The following PRKN variants were observed in gnomAD, a reference collection of about 807,000 sequenced individuals.
The protein encoded by PRKN is E3 ubiquitin-protein ligase parkin.
In PRKN, 56 loss-of-function variants were observed where a neutral mutation model predicts 59.5. The ratio of observed to expected loss-of-function variants is 0.94; its 90% CI spans 0.76 to 1.18. The LOEUF (loss-of-function observed/expected upper bound fraction) is 1.18. Ranked by LOEUF, PRKN falls within the 50% of genes most tolerant of loss-of-function variation. The pLI is 0.00. For missense variants in PRKN, 657 were observed against 596.4 expected (o/e 1.10, Z -1.06); for synonymous variants, 250 against 222.1 (o/e 1.13, Z -1.12).
chr6:162,013,435 T>C (rs536880104), intron 5 of PRKN, among the ~76,000 whole-genome samples: 7 of 151,870 alleles, frequency 4.6e-5, no homozygotes, highest in Admixed American at 3.9e-4. Context: ...ACCATTTCTA[T>C]GAGGAGCCCT....
chr6:161,535,890 C>T (rs1020703456), intron 9 of PRKN, among the ~76,000 whole-genome samples: 3 of 151,942 alleles, frequency 2.0e-5, no homozygotes, highest in African/African-American at 4.8e-5. Flanking sequence ...CCACACACCA[C>T]GGAACTAACG....
intron 9 of PRKN, among the ~76,000 whole-genome samples, chr6:161,476,021 C>A (rs1791053496): frequency 6.6e-6 from 1 of 151,900 alleles, no homozygotes; most frequent in African/African-American, 2.4e-5. Flanking sequence ...CCTGTCTCTA[C>A]TAAAAATACA....
intron 2 of PRKN, among the ~76,000 whole-genome samples, chr6:162,329,745 A>G (rs1409112719): frequency 1.3e-5 from 2 of 152,138 alleles, no homozygotes; most frequent in Admixed American, 1.3e-4. Flanking sequence ...AAAACTCAAT[A>G]ATTTTGTACA....
intron 7 of PRKN, among the ~76,000 whole-genome samples, chr6:161,693,271 C>T (rs1785879512): frequency 6.6e-6 from 1 of 152,082 alleles, no homozygotes; most frequent in South Asian, 2.1e-4. Context: ...TTTTTTCTGT[C>T]TTTTAATTTA....
intron 2 of PRKN, among the ~76,000 whole-genome samples, chr6:162,386,176 T>C (rs1426503962): frequency 6.6e-6 from 1 of 152,188 alleles, no homozygotes; most frequent in Non-Finnish European, 1.5e-5. Context: ...TGACGATGTA[T>C]TGTGGAAAAT....
Position 161,973,368 on chromosome 6 carries a change from G to A in PRKN, c.668C>T (p.Ser223Leu). The A allele has an allele frequency of 2.5e-6, 4 of 1,613,928 alleles. No homozygotes were observed. Among genetic ancestry groups the A allele is most frequent in the Non-Finnish European group, 3.4e-6 (4 of 1,179,842 alleles). The change falls in exon 6 of 12, where the codon TCA becomes TTA. Residue 223 changes from serine to leucine, a missense_variant. Ser to Leu is a moderately radical substitution (Grantham distance 145). Transcript: ENST00000366898. ...GAHPTSDKET[S>L]VALHLIATNS... is the part of the protein sequence containing the mutation. ...TGTTGCGATCAGGTGCAAAGCTACTGATGTTTCCTTGTCAGAGGTGGGGTG... is the reference window on the plus strand; with the variant it reads ...TGTTGCGATCAGGTGCAAAGCTACTAATGTTTCCTTGTCAGAGGTGGGGTG...
At chr6:162,549,233 G>A (rs1040386062) in intron 1 of PRKN, among the ~76,000 whole-genome samples, 1 of 152,126 alleles carries the variant, frequency 6.6e-6, no homozygotes, top group South Asian at 2.1e-4. Context: ...CAGAACTTGC[G>A]GACACCTGAC....
intron 9 of PRKN, among the ~76,000 whole-genome samples, chr6:161,425,952 C>A (rs1048121740): frequency 6.6e-6 from 1 of 152,038 alleles, no homozygotes; most frequent in Non-Finnish European, 1.5e-5. Flanking sequence ...CTTTTAGAGA[C>A]TAATACCCAG....
intron 2 of PRKN, among the ~76,000 whole-genome samples, chr6:162,343,804 A>G (rs2128128962): frequency 6.6e-6 from 1 of 152,342 alleles, no homozygotes; most frequent in South Asian, 2.1e-4. Context: ...TTAAAATTTT[A>G]GGAAACCTAC....
At chr6:162,153,547 G>A (rs942209498) in intron 4 of PRKN, among the ~76,000 whole-genome samples, 1 of 152,208 alleles carries the variant, frequency 6.6e-6, no homozygotes, top group African/African-American at 2.4e-5. Context: ...CATTATAACA[G>A]CCTTTTGGGG....
At chr6:162,482,358 T>C (rs1792349032) in intron 1 of PRKN, among the ~76,000 whole-genome samples, 1 of 152,158 alleles carries the variant, frequency 6.6e-6, no homozygotes, top group Non-Finnish European at 1.5e-5. Flanking sequence ...AAATACATCT[T>C]TTACACAAGC....
chr6:162,649,440 T>C (rs952011390), intron 1 of PRKN, among the ~76,000 whole-genome samples: 1 of 152,134 alleles, frequency 6.6e-6, no homozygotes, highest in Non-Finnish European at 1.5e-5. Context: ...CAAACCAGGA[T>C]GGTACACATC....
At chr6:162,208,936 C>A (rs1425651123) in intron 3 of PRKN, among the ~76,000 whole-genome samples, 1 of 152,072 alleles carries the variant, frequency 6.6e-6, no homozygotes, top group Non-Finnish European at 1.5e-5. Flanking sequence ...ACACCTTATA[C>A]AAAAATTAAA....
intron 5 of PRKN, among the ~76,000 whole-genome samples, chr6:161,979,030 T>A (rs1455643504): frequency 6.6e-6 from 1 of 152,096 alleles, no homozygotes; most frequent in Non-Finnish European, 1.5e-5. Flanking sequence ...TACAGAAAGA[T>A]TCCCCCACCT....
rs114716934 is a variant in PRKN, at chr6:161,789,145, G to C, written c.735-3237C>G. On this transcript the variant is annotated intron_variant, in intron 6 of 11. Coordinates refer to ENST00000366898, the MANE Select transcript of PRKN (RefSeq NM_004562.3). Reference sequence around the variant, plus strand: ...CTTGTAGTTTTGGAAAGTTAGGTGAGGAATAAACATGACACCAATAAAAAG... The same window carrying C: ...CTTGTAGTTTTGGAAAGTTAGGTGACGAATAAACATGACACCAATAAAAAG... 6.7e-3 allele frequency among the ~76,000 whole-genome samples: 1,012 copies of C among 152,176 alleles called. 7 individuals are homozygous for C. The highest frequency in any genetic ancestry group is 0.023 in the African/African-American group (962 of 41,504).
At chr6:162,671,718 T>C (rs1478567711) in intron 1 of PRKN, among the ~76,000 whole-genome samples, 2 of 151,912 alleles carry the variant, frequency 1.3e-5, no homozygotes, top group Admixed American at 6.6e-5. Flanking sequence ...ACGAAAAATA[T>C]ACATACATGT....
Position 162,273,745 on chromosome 6 carries a change from T to C in PRKN, c.172-10980A>G, listed in dbSNP as rs564034485. ...ATTCATTGAGGGGAAATTACTCACC[T>C]ATCCAGAAGTTGCAGAATAATGAGA... On this transcript the variant is annotated intron_variant, in intron 2 of 11. Transcript: ENST00000366898. 2.6e-5 allele frequency among the ~76,000 whole-genome samples: 4 copies of C among 152,308 alleles called. No individual in the cohort carries two copies. In the South Asian group the frequency reaches 8.3e-4, roughly 32 times the overall value.
intron 4 of PRKN, among the ~76,000 whole-genome samples, chr6:162,144,234 C>G (rs1781908034): frequency 6.6e-6 from 1 of 152,064 alleles, no homozygotes; most frequent in Non-Finnish European, 1.5e-5. Flanking sequence ...TAGAAAAGCA[C>G]AAATCTCCAA....
chr6:162,023,766 G>A (rs1318231883), intron 5 of PRKN, among the ~76,000 whole-genome samples: 4 of 152,110 alleles, frequency 2.6e-5, no homozygotes, highest in East Asian at 1.9e-4. Flanking sequence ...GGTCCATGGG[G>A]GTGGAGCCGT....
Sources: gnomAD v4.1 joint callset for allele counts (sites outside exome capture counted in the v4.1 genomes callset) on GRCh38, gnomAD v4.1.1 for gene constraint, MANE v1.5 for transcripts, NCBI Gene and HGNC (gene_info 2026-07-23, HGNC 2026-07-21) for gene names.